Variants in CAP2 observed in about 807,000 individuals in gnomAD.
The protein encoded by CAP2 is adenylyl cyclase-associated protein 2.
A neutral mutation model predicts 57.7 loss-of-function variants in CAP2; 24 were observed. That is an observed-to-expected ratio of 0.42 (90% CI 0.30 to 0.58). The LOEUF is 0.58. Among genes scored for constraint, CAP2 ranks in the 20% least tolerant of loss-of-function variants. The pLI is 0.22. For missense variants in CAP2, 501 were observed against 590.3 expected (o/e 0.85, Z 1.57); for synonymous variants, 194 against 207.2 (o/e 0.94, Z 0.55).
At chr6:17,533,363 T>TA (rs1188592684) in intron 7 of CAP2, among the ~76,000 whole-genome samples, 1 of 152,056 alleles carries the variant, frequency 6.6e-6, no homozygotes, top group Non-Finnish European at 1.5e-5. Flanking sequence ...GAAATTAACT[T>TA]AGAGTAAGGG....
At position 17,541,090 on chromosome 6, in the gene CAP2, C is replaced by T; in HGVS notation, c.944C>T (p.Ser315Phe). The change falls in exon 9 of 13, where the codon TCT becomes TTT. Residue 315 changes from serine (S) to phenylalanine (F), a missense_variant. Ser to Phe is a radical substitution (Grantham distance 155). Coordinates refer to ENST00000229922, the MANE Select transcript of CAP2 (RefSeq NM_006366.3). The stretch of plus-strand genomic sequence containing the variant: ...ACTCCAAGTCCCACATCTCCTAAAT[C>T]TTATCCTTCTCAAAAACATGCCCCA... Reference protein sequence around the residue: ...SHTPSPTSPKSYPSQKHAPVL... With the variant: ...SHTPSPTSPKFYPSQKHAPVL... 1.2e-6 allele frequency: 2 copies of T among 1,614,122 alleles called. No individual in the cohort carries two copies. The highest frequency in any genetic ancestry group is 1.7e-6 in the Non-Finnish European group (2 of 1,179,976).
rs555719386 is a variant in CAP2, at chr6:17,438,728, C to T, written c.222+12038C>T. On this transcript the variant is annotated intron_variant, in intron 3 of 12. Transcript: ENST00000229922. Reference sequence around the variant, plus strand: ...TGCTGGGATTATAGGTGTGAGCCACCGCACCCGGCCCAGAAGTTTTTTTAT... The same window carrying T: ...TGCTGGGATTATAGGTGTGAGCCACTGCACCCGGCCCAGAAGTTTTTTTAT... 3.0e-4 allele frequency among the ~76,000 whole-genome samples: 44 copies of T among 147,906 alleles called. 3 individuals carry two copies. Among genetic ancestry groups the T allele is most frequent in the Middle Eastern group, 3.4e-3 (1 of 290 alleles).
At chr6:17,500,501 T>C (rs1051386992) in intron 4 of CAP2, among the ~76,000 whole-genome samples, 5 of 150,968 alleles carry the variant, frequency 3.3e-5, no homozygotes, top group Admixed American at 6.6e-5. Flanking sequence ...CCCGAAATAC[T>C]GTTCCTGATT....
chr6:17,448,731 G>A lies in CAP2; in HGVS notation c.223-14265G>A, dbSNP rs139606002. ...ATTTAACTTAGACCATGTCTTCTGGGTCTCTTTCCATGTCAATGAGTTGAA... is the reference window on the plus strand; with the variant it reads ...ATTTAACTTAGACCATGTCTTCTGGATCTCTTTCCATGTCAATGAGTTGAA... On this transcript the variant is annotated intron_variant, in intron 3 of 12. Transcript: ENST00000229922. Among the ~76,000 whole-genome samples, 879 of 150,778 alleles carry A rather than the reference G, an allele frequency of 5.8e-3. 9 individuals are homozygous for A. Among genetic ancestry groups the A allele is most frequent in the African/African-American group, 0.02 (830 of 41,180 alleles).
In CAP2 at chr6:17,532,053, A is replaced by G. The variant is rs572277458; in HGVS notation, c.637-7216A>G. 3.9e-5 allele frequency among the ~76,000 whole-genome samples: 6 copies of G among 152,000 alleles called. No homozygotes were observed. In the South Asian group the frequency reaches 8.3e-4, roughly 21 times the overall value. ...CTGACAAAGCAGCCTTAGTTATTCAATTCACTTTTAATCCAACTATTAAGA... is the reference window on the plus strand; with the variant it reads ...CTGACAAAGCAGCCTTAGTTATTCAGTTCACTTTTAATCCAACTATTAAGA... On this transcript the variant is annotated intron_variant, in intron 7 of 12. Coordinates refer to ENST00000229922, the MANE Select transcript of CAP2 (RefSeq NM_006366.3).
chr6:17,541,146 G>A lies in CAP2; in HGVS notation c.1000G>A (p.Val334Met). 2 of 1,609,700 alleles carry A rather than the reference G, an allele frequency of 1.2e-6. No homozygotes were observed. The highest frequency in any genetic ancestry group is 1.7e-6 in the Non-Finnish European group (2 of 1,177,226). The change falls in exon 9 of 13, where the codon GTG becomes ATG. Residue 334 changes from valine (V) to methionine (M), a missense_variant and splice_region_variant. By Grantham distance (21) the Val-to-Met change is conservative (BLOSUM62 1). Coordinates refer to ENST00000229922, the MANE Select transcript of CAP2 (RefSeq NM_006366.3). ...GGAGTTGGAAGGAAAGAAATGGAGA[G>A]TGGTAAGTGAAGCATTTTAACCTTT... ...VLELEGKKWRVEYQEDRNDLV... is the reference protein window; with the variant it reads ...VLELEGKKWRMEYQEDRNDLV...
intron 3 of CAP2, among the ~76,000 whole-genome samples, chr6:17,452,854 G>A (rs113508504): frequency 2.0e-3 from 302 of 152,102 alleles, no homozygotes; most frequent in African/African-American, 6.4e-3. Context: ...CTCACCCGTA[G>A]TCTCCCTACA....
At chr6:17,511,333 C>T (rs1314726970) in intron 6 of CAP2, among the ~76,000 whole-genome samples, 2 of 151,942 alleles carry the variant, frequency 1.3e-5, no homozygotes, top group East Asian at 1.9e-4. Context: ...GCAGTAGGAC[C>T]GTAGGTAGAG....
chr6:17,416,554 G>A (rs191848836), intron 1 of CAP2, among the ~76,000 whole-genome samples: 289 of 152,264 alleles, frequency 1.9e-3, no homozygotes, highest in African/African-American at 4.4e-3. Flanking sequence ...TGGTAGTGAG[G>A]ACTGGGCAAG....
intron 3 of CAP2, among the ~76,000 whole-genome samples, chr6:17,435,523 G>A (rs374528987): frequency 3.9e-5 from 3 of 77,858 alleles, no homozygotes; most frequent in East Asian, 8.3e-4. Context: ...ACACTCTGGG[G>A]ACTGTGGTGG....
At chr6:17,532,108 C>G (rs370633679) in intron 7 of CAP2, among the ~76,000 whole-genome samples, 3 of 149,738 alleles carry the variant, frequency 2.0e-5, no homozygotes, top group East Asian at 3.9e-4. Context: ...AAATTCTCTA[C>G]TACCTCTATT....
intron 4 of CAP2, among the ~76,000 whole-genome samples, chr6:17,496,140 C>A (rs957989792): frequency 6.6e-6 from 1 of 151,144 alleles, no homozygotes. Context: ...CAAATGAATA[C>A]ACAGTGAGCA....
Position 17,513,722 on chromosome 6 carries a change from G to A in CAP2, c.531-127G>A, listed in dbSNP as rs1762208022. The A allele has an allele frequency of 9.0e-6, 6 of 665,870 alleles. No individual in the cohort carries two copies. In the Admixed American group the frequency reaches 1.4e-4, roughly 15 times the overall value. 41.2% of individuals were successfully genotyped at this position (665,870 alleles called of 1,614,324 possible). A position where few individuals can be genotyped will look rare whatever the true frequency, so the allele number is the denominator to read the frequency against. On this transcript the variant is annotated intron_variant, in intron 6 of 12. Transcript: ENST00000229922. The surrounding 1 kb of genome is among the most constrained non-coding windows in gnomAD (Gnocchi z 4.3). ...TTCTGAAGCCCTTCACGGTGCCTGG[G>A]TTGCAAGGACGATTGCTCCGGGCTC...
intron 4 of CAP2, among the ~76,000 whole-genome samples, chr6:17,474,725 T>C (rs900961728): frequency 7.0e-6 from 1 of 143,882 alleles, no homozygotes; most frequent in African/African-American, 3.0e-5. Context: ...TCTACTGTTA[T>C]TTTTTTGTGC....
At position 17,419,156 on chromosome 6, in the gene CAP2, G is replaced by GA. The variant is rs1463415707; in HGVS notation, c.-1-2394dup. On this transcript the variant is annotated intron_variant, in intron 1 of 12. Transcript: ENST00000229922. ...TTTTGATAAGTATAACCTTGCTTTT[G>GA]AAAAATGGCAGTGGCACGTCATCAC... Among the ~76,000 whole-genome samples, 3 of 152,330 alleles carry GA rather than the reference G, an allele frequency of 2.0e-5. No individual in the cohort carries two copies. In the East Asian group the frequency reaches 5.8e-4, roughly 29 times the overall value.
At chr6:17,431,371 AT>A (rs1455067835) in intron 3 of CAP2, among the ~76,000 whole-genome samples, 1 of 152,158 alleles carries the variant, frequency 6.6e-6, no homozygotes, top group Non-Finnish European at 1.5e-5. Flanking sequence ...AAGAACCACA[AT>A]TTGAACAAAA....
chr6:17,433,777 A>G (rs1759803507), intron 3 of CAP2, among the ~76,000 whole-genome samples: 1 of 152,222 alleles, frequency 6.6e-6, no homozygotes, highest in Non-Finnish European at 1.5e-5. Context: ...ATAGTTTGCT[A>G]CCAAACATGC....
At chr6:17,524,256 A>T (rs1051809504) in intron 7 of CAP2, among the ~76,000 whole-genome samples, 8 of 152,154 alleles carry the variant, frequency 5.3e-5, no homozygotes, top group Non-Finnish European at 1.2e-4. Context: ...GAATAGGTGA[A>T]AAATAGTCAA....
chr6:17,467,067 TC>T (rs1256791145), intron 4 of CAP2, among the ~76,000 whole-genome samples: 27 of 152,136 alleles, frequency 1.8e-4, no homozygotes, highest in Admixed American at 1.8e-3. Flanking sequence ...TGGAGAACCT[TC>T]CAGGGAGTCC....
Sources: allele counts gnomAD v4.1 joint callset (sites outside exome capture counted in the v4.1 genomes callset), GRCh38; gene constraint gnomAD v4.1.1; non-coding constraint Gnocchi (gnomAD v3.1); transcripts MANE v1.5; gene names NCBI Gene and HGNC (gene_info 2026-07-23, HGNC 2026-07-21).